The following GLS variants were observed in gnomAD, a reference collection of about 807,000 sequenced individuals.
GLS encodes the protein glutaminase, also known as glutaminase kidney isoform, mitochondrial.
A neutral mutation model predicts 86.7 loss-of-function variants in GLS; 36 were observed. That is an observed-to-expected ratio of 0.42 (90% CI 0.32 to 0.55). GLS has a LOEUF of 0.55. GLS is among the 20% of genes least tolerant of loss of function. The pLI is 0.17. For missense variants in GLS, 528 were observed against 833.4 expected (o/e 0.63, Z 4.51); for synonymous variants, 317 against 305.9 (o/e 1.04, Z -0.38).
rs907104732 is a variant in GLS, at chr2:190,910,167, C to T, written c.980-96C>T. On this transcript the variant is annotated intron_variant, in intron 6 of 17. Transcript: ENST00000320717. ...ACTAAGAAAAAAGCAAAATTGAGTA[C>T]GTTAGCTGTGCTTTTTCCAAGGTCA... is the stretch of plus-strand genomic sequence containing the variant. 70 of 719,496 alleles carry T rather than the reference C, an allele frequency of 9.7e-5. No individual in the cohort carries two copies. The Middle Eastern group carries it at 9.9e-4, about 10-fold the overall frequency. The allele number at this position is 719,496 out of a possible 1,614,324, so 44.6% of individuals were successfully genotyped here. A position where few individuals can be genotyped will look rare whatever the true frequency, so the allele number is the denominator to read the frequency against.
At chr2:190,936,289 T>G (rs534495939) in intron 14 of GLS, among the ~76,000 whole-genome samples, 1 of 151,130 alleles carries the variant, frequency 6.6e-6, no homozygotes, top group Admixed American at 6.6e-5. Context: ...TATACTGATA[T>G]GTCAGCCTAT....
chr2:190,963,062 T>C lies in GLS; in HGVS notation c.*76T>C. 4.9e-6 allele frequency: 5 copies of C among 1,024,232 alleles called. No homozygotes were observed. Among genetic ancestry groups the C allele is most frequent in the Non-Finnish European group, 7.2e-6 (5 of 698,288 alleles). 63.4% of individuals were successfully genotyped at this position (1,024,232 alleles called of 1,614,324 possible). ...TGATTATGAAGAACATGTGTATTTC[T>C]ATCTGGTAGTGATGTATATTTTACA... On this transcript the variant is annotated 3_prime_UTR_variant, in exon 18 of 18. Transcript: ENST00000320717.
In GLS at chr2:190,924,709, G is replaced by A; in HGVS notation, c.1248+116G>A. 3.0e-6 allele frequency: 2 copies of A among 659,530 alleles called. No individual in the cohort carries two copies. The highest frequency in any genetic ancestry group is 1.5e-5 in the South Asian group (1 of 65,184). The allele number at this position is 659,530 out of a possible 1,614,324, so 40.9% of individuals were successfully genotyped here. A position where few individuals can be genotyped will look rare whatever the true frequency, so the allele number is the denominator to read the frequency against. On this transcript the variant is annotated intron_variant, in intron 11 of 17. Transcript: ENST00000320717. This position sits in a 1 kb window ranked among gnomAD's most constrained non-coding sequence, Gnocchi z 5.2. ...GGGCAGGTGGATCATGAGGTCAAGA[G>A]ATAGAGGTCATCCTGGCCAACATGG...
Position 190,934,773 on chromosome 2 carries a change from T to G in GLS, c.1650+3136T>G, listed in dbSNP as rs79439611. 2.9e-3 allele frequency: 2,829 copies of G among 973,604 alleles called. 24 individuals carry two copies. The East Asian group carries it at 0.054, about 18-fold the overall frequency. The allele number at this position is 973,604 out of a possible 1,614,324, so 60.3% of individuals were successfully genotyped here. A position where few individuals can be genotyped will look rare whatever the true frequency, so the allele number is the denominator to read the frequency against. Reference sequence around the variant, plus strand: ...ATTTTTGTGTTGGTAATGCTTTAAATGCATACTTAAAAATGAAGTACTGTT... The same window carrying G: ...ATTTTTGTGTTGGTAATGCTTTAAAGGCATACTTAAAAATGAAGTACTGTT... On this transcript the variant is annotated intron_variant, in intron 14 of 17. Coordinates refer to ENST00000320717, the MANE Select transcript of GLS (RefSeq NM_014905.5).
At chr2:190,907,183 C>T (rs1689176611) in intron 6 of GLS, among the ~76,000 whole-genome samples, 1 of 151,548 alleles carries the variant, frequency 6.6e-6, no homozygotes, top group South Asian at 2.1e-4. Flanking sequence ...CTCGGCCTCC[C>T]AAAGTGCTGG....
chr2:190,931,732 G>C, intron 14 of GLS, 95 bp downstream of exon 14: 1 of 585,318 alleles, frequency 1.7e-6, no homozygotes, highest in Non-Finnish European at 3.0e-6. Context: ...TTTGTTAGTG[G>C]CCTCGGGTCT....
chr2:190,946,359 T>C (rs1426203312), intron 14 of GLS, among the ~76,000 whole-genome samples: 1 of 152,158 alleles, frequency 6.6e-6, no homozygotes, highest in Admixed American at 6.5e-5. Flanking sequence ...TAAAACAAAA[T>C]TGGATCTGGA....
chr2:190,927,681 G>A (rs918099224), intron 12 of GLS, 199 bp downstream of exon 12: 6 of 470,086 alleles, frequency 1.3e-5, no homozygotes, highest in Non-Finnish European at 2.3e-5. Context: ...TTGGAAGTTT[G>A]ATTTATAGAA....
chr2:190,913,055 T>A lies in GLS; in HGVS notation c.1038+2734T>A. ...AGGCTATTTGTGATTTTTTTTTTTC[T>A]TTCAAAATTCAGGAATTTATCATGG... On this transcript the variant is annotated intron_variant, in intron 7 of 17. Coordinates refer to ENST00000320717, the MANE Select transcript of GLS (RefSeq NM_014905.5). The surrounding 1 kb of genome is among the most constrained non-coding windows in gnomAD (Gnocchi z 6.1). 1 of 720,046 alleles carries A rather than the reference T, an allele frequency of 1.4e-6. No homozygotes were observed. The highest frequency in any genetic ancestry group is 1.6e-5 in the South Asian group (1 of 64,084). The allele number at this position is 720,046 out of a possible 1,614,324, so 44.6% of individuals were successfully genotyped here.
Position 190,895,187 on chromosome 2 carries a change from A to G in GLS, c.422A>G (p.Asp141Gly), listed in dbSNP as rs1688688520. The change falls in exon 2 of 18, where the codon GAT becomes GGT. Residue 141 changes from aspartate to glycine, a missense_variant. Physicochemically the swap from Asp to Gly is moderately conservative, Grantham distance 94. Transcript: ENST00000320717. The surrounding 1 kb of genome is among the most constrained non-coding windows in gnomAD (Gnocchi z 4.2). The stretch of plus-strand genomic sequence containing the variant: ...CAGGGTCTGTTACCTAGCTTGGAAG[A>G]TTTGCTGTTCTATACAATTGCTGAA... ...IKQGLLPSLE[D>G]LLFYTIAEGQ... The G allele has an allele frequency of 2.6e-6, 4 of 1,553,746 alleles. No homozygotes were observed. The highest frequency in any genetic ancestry group is 3.5e-6 in the Non-Finnish European group (4 of 1,128,280).
chr2:190,881,296 G>T lies in GLS; in HGVS notation c.212G>T (p.Gly71Val). ...GGWPAEPLAR[G>V]LSSSPSEILQ... Reference sequence around the variant, plus strand: ...TGGCCGGCGGAGCCCCTCGCGCGGGGCCTGTCCAGCTCTCCTTCGGAGATC... The same window carrying T: ...TGGCCGGCGGAGCCCCTCGCGCGGGTCCTGTCCAGCTCTCCTTCGGAGATC... The change falls in exon 1 of 18, where the codon GGC becomes GTC. Residue 71 changes from glycine to valine, a missense_variant. Physicochemically the swap from Gly to Val is moderately radical, Grantham distance 109. Coordinates refer to ENST00000320717, the MANE Select transcript of GLS (RefSeq NM_014905.5). The T allele has an allele frequency of 6.9e-6, 10 of 1,448,352 alleles. No individual in the cohort carries two copies. In the South Asian group the frequency reaches 1.1e-4, roughly 16 times the overall value. The allele number at this position is 1,448,352 out of a possible 1,614,324, so 89.7% of individuals were successfully genotyped here.
intron 5 of GLS, 69 bp downstream of exon 5, chr2:190,902,095 T>G: frequency 1.2e-6 from 1 of 840,292 alleles, no homozygotes; most frequent in East Asian, 2.4e-5. Context: ...GAGAATGACA[T>G]GGAGAAGATC....
chr2:190,923,043 T>TG (rs1689794918), intron 9 of GLS, among the ~76,000 whole-genome samples: 1 of 152,172 alleles, frequency 6.6e-6, no homozygotes, highest in Non-Finnish European at 1.5e-5. Flanking sequence ...TCCAACTACT[T>TG]GCATATTTGA....
At chr2:190,904,917 G>A (rs960222654) in intron 5 of GLS, 87 bp from the exon 6 acceptor site, 2 of 795,596 alleles carry the variant, frequency 2.5e-6, no homozygotes, top group Non-Finnish European at 2.1e-6. Context: ...TGTTGGAATT[G>A]TTAACATGTA....
At chr2:190,912,808 C>T (rs998404787) in intron 7 of GLS, among the ~76,000 whole-genome samples, 5 of 152,240 alleles carry the variant, frequency 3.3e-5, no homozygotes, top group African/African-American at 1.2e-4. Flanking sequence ...TGCAGAAGTA[C>T]TATTTCCTTA....
In GLS at chr2:190,913,277, T is replaced by G; in HGVS notation, c.1038+2956T>G. On this transcript the variant is annotated intron_variant, in intron 7 of 17. Coordinates refer to ENST00000320717, the MANE Select transcript of GLS (RefSeq NM_014905.5). This position sits in a 1 kb window ranked among gnomAD's most constrained non-coding sequence, Gnocchi z 6.1. Reference sequence around the variant, plus strand: ...GCAGATTGTGGAAAAAAGGAGAATTTGGACAGAAGGAGCCTGTTGCATAAA... The same window carrying G: ...GCAGATTGTGGAAAAAAGGAGAATTGGGACAGAAGGAGCCTGTTGCATAAA... 4.6e-6 allele frequency: 6 copies of G among 1,299,586 alleles called. No individual in the cohort carries two copies. The highest frequency in any genetic ancestry group is 6.1e-6 in the Non-Finnish European group (6 of 987,352). 80.5% of individuals were successfully genotyped at this position (1,299,586 alleles called of 1,614,324 possible). A position where few individuals can be genotyped will look rare whatever the true frequency, so the allele number is the denominator to read the frequency against.
chr2:190,893,395 T>G (rs946358370), intron 1 of GLS, among the ~76,000 whole-genome samples: 14 of 152,174 alleles, frequency 9.2e-5, no homozygotes, highest in African/African-American at 3.1e-4. Flanking sequence ...GGTAGTCATT[T>G]TTTTGAACAA....
In GLS at chr2:190,964,777, C is replaced by T. The variant is rs1325767181; in HGVS notation, c.*1791C>T. 1 of 152,166 alleles carries T rather than the reference C, an allele frequency of 6.6e-6. No homozygotes were observed. The highest frequency in any genetic ancestry group is 1.5e-5 in the Non-Finnish European group (1 of 68,028). 9.4% of individuals were successfully genotyped at this position (152,166 alleles called of 1,614,324 possible). A position where few individuals can be genotyped will look rare whatever the true frequency, so the allele number is the denominator to read the frequency against. ...CCCCAAAGATATTACAGGGTAGACA[C>T]GTTTTAACTGAAATCAATCAAGATA... On this transcript the variant is annotated 3_prime_UTR_variant, in exon 18 of 18. Coordinates refer to ENST00000320717, the MANE Select transcript of GLS (RefSeq NM_014905.5). The surrounding 1 kb of genome is among the most constrained non-coding windows in gnomAD (Gnocchi z 5.2).
In GLS at chr2:190,953,699, T is replaced by C. The variant is rs182732098; in HGVS notation, c.1712+73T>C. 35 of 1,058,422 alleles carry C rather than the reference T, an allele frequency of 3.3e-5. No individual in the cohort carries two copies. Among genetic ancestry groups the C allele is most frequent in the African/African-American group, 2.8e-4 (18 of 64,128 alleles). 65.6% of individuals were successfully genotyped at this position (1,058,422 alleles called of 1,614,324 possible). On this transcript the variant is annotated intron_variant, in intron 15 of 17. Transcript: ENST00000320717. This position sits in a 1 kb window ranked among gnomAD's most constrained non-coding sequence, Gnocchi z 4.0. ...GTTGCTTCTGGGCGAGCAGCCATTT[T>C]AAGGTTAAAGTCTCACTTTTCTTTC...
Sources: gnomAD v4.1 joint callset for allele counts (sites outside exome capture counted in the v4.1 genomes callset) on GRCh38, gnomAD v4.1.1 for gene constraint, Gnocchi (gnomAD v3.1) non-coding constraint, MANE v1.5 for transcripts, NCBI Gene and HGNC (gene_info 2026-07-23, HGNC 2026-07-21) for gene names.